ATP10B: variants seen among roughly 807,000 people sequenced by gnomAD.
ATP10B encodes the protein phospholipid-transporting ATPase VB.
Under a neutral mutation model 141.2 loss-of-function variants are expected in ATP10B, and 122 were observed. That is an observed-to-expected ratio of 0.86 (90% CI 0.75 to 1.00). ATP10B has a LOEUF of 1.00. ATP10B is among the 50% of genes least tolerant of loss of function. ATP10B has a pLI of 0.00. For synonymous variants in ATP10B, 685 were observed against 692.0 expected (o/e 0.99, Z 0.16); for missense variants, 1,876 against 1,825.3 (o/e 1.03, Z -0.51).
intron 1 of ATP10B, among the ~76,000 whole-genome samples, chr5:160,820,187 A>G (rs986327125): frequency 6.6e-6 from 1 of 152,080 alleles, no homozygotes; most frequent in African/African-American, 2.4e-5. Context: ...GAGATGAAAA[A>G]GTAGACCTTA....
At chr5:160,609,978 C>A (rs372625754) in intron 18 of ATP10B, among the ~76,000 whole-genome samples, 2 of 152,184 alleles carry the variant, frequency 1.3e-5, no homozygotes, top group East Asian at 1.9e-4. Context: ...TTATTTCCAG[C>A]TTTTAAAGTA....
At chr5:160,912,440 A>AAAG in the ATP10B span, among the ~76,000 whole-genome samples, 783 of 134,706 alleles carry the variant, frequency 5.8e-3, 13 homozygotes, top group South Asian at 0.015. Flanking sequence ...AAAAAAAAAA[A>AAAG]AGAGAAAACT....
intron 2 of ATP10B, among the ~76,000 whole-genome samples, chr5:160,761,839 T>G (rs1769068724): frequency 6.6e-6 from 1 of 151,736 alleles, no homozygotes; most frequent in East Asian, 1.9e-4. Flanking sequence ...TAAAAAAATG[T>G]AGGATATGGA....
chr5:160,752,061 A>G (rs1768191005), intron 2 of ATP10B, among the ~76,000 whole-genome samples: 1 of 152,242 alleles, frequency 6.6e-6, no homozygotes, highest in South Asian at 2.1e-4. Context: ...TAGGGCAACC[A>G]CAATTCCAAT....
intron 3 of ATP10B, among the ~76,000 whole-genome samples, chr5:160,708,866 G>A (rs6866731): frequency 0.86 from 130,899 of 152,170 alleles, 56,433 homozygotes; most frequent in East Asian, 0.9. Context: ...GAATTATCTC[G>A]TGGATTAAAG....
intron 2 of ATP10B, among the ~76,000 whole-genome samples, chr5:160,778,475 A>G (rs1229825404): frequency 6.6e-6 from 1 of 152,148 alleles, no homozygotes; most frequent in Admixed American, 6.5e-5. Flanking sequence ...AAGAGGCTGA[A>G]AGTCAGTTTT....
Position 160,783,821 on chromosome 5 carries a change from T to C in ATP10B, c.-331+1738A>G, listed in dbSNP as rs149877358. Among the ~76,000 whole-genome samples the C allele has an allele frequency of 7.0e-3, 1,064 of 152,164 alleles. 3 individuals are homozygous for C. The highest frequency in any genetic ancestry group is 0.027 in the Middle Eastern group (8 of 294). On this transcript the variant is annotated intron_variant, in intron 2 of 25. Transcript: ENST00000327245. ...TAAGGAATCTCCACACTGTTTTCCA[T>C]AGTGGTTGTACTAGTTTACCTTCCC... is the stretch of plus-strand genomic sequence containing the variant.
At position 160,565,140 on chromosome 5, in the gene ATP10B, G is replaced by A. The variant is rs375660029; in HGVS notation, c.*313C>T. 7 of 335,108 alleles carry A rather than the reference G, an allele frequency of 2.1e-5. No homozygotes were observed. The highest frequency in any genetic ancestry group is 1.2e-4 in the East Asian group (2 of 16,012). The allele number at this position is 335,108 out of a possible 1,614,324, so 20.8% of individuals were successfully genotyped here. On this transcript the variant is annotated 3_prime_UTR_variant, in exon 26 of 26. Transcript: ENST00000327245. ...CTTACGGCACTGGGTTGTAGGCTAC[G>A]CTTATCTAGAGGGTCAGAAGAATGG...
intron 1 of ATP10B, among the ~76,000 whole-genome samples, chr5:160,847,102 C>T (rs1008014280): frequency 6.6e-6 from 1 of 152,064 alleles, no homozygotes; most frequent in African/African-American, 2.4e-5. Context: ...GAGACTGGAG[C>T]TCAAAGAGAG....
At chr5:160,820,242 G>C (rs1773997584) in intron 1 of ATP10B, among the ~76,000 whole-genome samples, 3 of 151,778 alleles carry the variant, frequency 2.0e-5, no homozygotes. Flanking sequence ...CAGGTACTAA[G>C]AGCAACTATA....
upstream of ATP10B, among the ~76,000 whole-genome samples, chr5:160,856,157 T>C (rs1184990123): frequency 6.6e-6 from 1 of 151,916 alleles, no homozygotes; most frequent in Non-Finnish European, 1.5e-5. Context: ...ATATACTAAT[T>C]TGGGAAAAAT....
chr5:160,628,424 C>A (rs531945553), intron 13 of ATP10B, among the ~76,000 whole-genome samples: 4 of 152,214 alleles, frequency 2.6e-5, no homozygotes, highest in Non-Finnish European at 4.4e-5. Flanking sequence ...TCTTATCTAA[C>A]CTTACAGTGG....
intron 1 of ATP10B, among the ~76,000 whole-genome samples, chr5:160,793,367 G>A (rs1218134547): frequency 6.6e-6 from 1 of 152,112 alleles, no homozygotes; most frequent in African/African-American, 2.4e-5. Context: ...AATTATCAGA[G>A]AAGCCTGGCA....
At chr5:160,706,423 AAAC>A (rs1765016446) in intron 3 of ATP10B, among the ~76,000 whole-genome samples, 1 of 152,220 alleles carries the variant, frequency 6.6e-6, no homozygotes, top group South Asian at 2.1e-4. Flanking sequence ...TTGTAATAAT[AAAC>A]AATAAAAATG....
chr5:160,661,008 G>A (rs1178355534), intron 7 of ATP10B, among the ~76,000 whole-genome samples: 2 of 152,156 alleles, frequency 1.3e-5, no homozygotes, highest in Non-Finnish European at 2.9e-5. Flanking sequence ...CCAACATGGA[G>A]AAACCCCATC....
At chr5:160,636,036 G>A in intron 11 of ATP10B, 146 bp downstream of exon 11, 1 of 958,930 alleles carries the variant, frequency 1.0e-6, no homozygotes, top group Non-Finnish European at 1.5e-6. Context: ...TACTTTCAAA[G>A]ACGCACAAGA....
At chr5:160,851,762 T>C (rs1231266383) in intron 1 of ATP10B, among the ~76,000 whole-genome samples, 179 bp downstream of exon 1, 3 of 152,056 alleles carry the variant, frequency 2.0e-5, no homozygotes, top group Admixed American at 6.6e-5. Flanking sequence ...TGACGAAAAA[T>C]AAAACATTCT....
intron 3 of ATP10B, among the ~76,000 whole-genome samples, chr5:160,703,154 C>A (rs1389543096): frequency 6.6e-6 from 1 of 151,996 alleles, no homozygotes; most frequent in Admixed American, 6.6e-5. Context: ...AATCTGATTG[C>A]CCTTTCTTCT....
chr5:160,649,291 C>G, intron 7 of ATP10B, 35 bp from the exon 8 acceptor site: 1 of 1,488,438 alleles, frequency 6.7e-7, no homozygotes, highest in Non-Finnish European at 9.4e-7. Context: ...TTTATTAATT[C>G]AGAGGGATCT....
Sources: gnomAD v4.1 joint callset for allele counts (sites outside exome capture counted in the v4.1 genomes callset) on GRCh38, gnomAD v4.1.1 for gene constraint, MANE v1.5 for transcripts, NCBI Gene and HGNC (gene_info 2026-07-23, HGNC 2026-07-21) for gene names.